The following PTK2B variants were observed in gnomAD, a reference collection of about 807,000 sequenced individuals.
PTK2B encodes the protein protein tyrosine kinase 2 beta.
A neutral mutation model predicts 142.9 loss-of-function variants in PTK2B; 71 were observed. The ratio of observed to expected loss-of-function variants is 0.50; its 90% CI spans 0.41 to 0.61. The LOEUF is 0.61. Among genes scored for constraint, PTK2B ranks in the 20% least tolerant of loss-of-function variants. The pLI is 0.00. For missense variants in PTK2B, 1,105 were observed against 1,320.4 expected, an observed-to-expected ratio of 0.84 and a Z score of 2.53; for synonymous variants, 519 against 503.4, an observed-to-expected ratio of 1.03 and a Z score of -0.42.
intron 24 of PTK2B, 107 bp from the exon 25 acceptor site, chr8:27,450,642 C>T: frequency 7.2e-7 from 1 of 1,397,036 alleles, no homozygotes; most frequent in Non-Finnish European, 9.8e-7. Flanking sequence ...AGCAGCTGGC[C>T]AGGCCAAGGC....
At chr8:27,389,189 C>A (rs1490641388) in intron 1 of PTK2B, among the ~76,000 whole-genome samples, 1 of 152,028 alleles carries the variant, frequency 6.6e-6, no homozygotes, top group Non-Finnish European at 1.5e-5. Context: ...GGACCTTCTT[C>A]CCTCTTCTGT....
At chr8:27,434,440 C>T (rs368809395) in intron 12 of PTK2B, 73 bp from the exon 13 acceptor site, 59 of 1,468,300 alleles carry the variant, frequency 4.0e-5, no homozygotes, top group African/African-American at 1.4e-4. Flanking sequence ...GAGGAGAGGG[C>T]GGGCCGAGGC....
intron 1 of PTK2B, among the ~76,000 whole-genome samples, chr8:27,326,184 A>T (rs1803403821): frequency 6.6e-6 from 1 of 151,704 alleles, no homozygotes; most frequent in African/African-American, 2.4e-5. Context: ...CCCTGGCTGG[A>T]GGAAAGCAAG....
Position 27,397,702 on chromosome 8 carries a change from A to G in PTK2B, c.118A>G (p.Ile40Val). 1.9e-6 allele frequency: 3 copies of G among 1,614,278 alleles called. No individual in the cohort carries two copies. The highest frequency in any genetic ancestry group is 2.5e-6 in the Non-Finnish European group (3 of 1,180,052). ...PVDVEKEDVR[I>V]LKVCFYSNSF... ...AGATGTGGAAAAGGAGGACGTGCGT[A>G]TCCTCAAGGTCTGCTTCTATAGCAA... Residue 40 changes from isoleucine to valine, a missense_variant, in exon 2 of 31, where the codon ATC becomes GTC. Transcript: ENST00000346049.
At chr8:27,341,572 T>C (rs543668789) in intron 1 of PTK2B, among the ~76,000 whole-genome samples, 2 of 152,278 alleles carry the variant, frequency 1.3e-5, no homozygotes, top group Non-Finnish European at 2.9e-5. Flanking sequence ...TGAGGGGAGA[T>C]GTGTGTCATG....
At chr8:27,319,538 G>A (rs1227166945) in intron 3 of PTK2B, among the ~76,000 whole-genome samples, 1 of 151,506 alleles carries the variant, frequency 6.6e-6, no homozygotes, top group Non-Finnish European at 1.5e-5. Context: ...CAGCTACTCG[G>A]GAGGCTGAGA....
intron 1 of PTK2B, among the ~76,000 whole-genome samples, chr8:27,346,216 A>G (rs1320444003): frequency 6.6e-6 from 1 of 152,220 alleles, no homozygotes; most frequent in Non-Finnish European, 1.5e-5. Flanking sequence ...ATGTGGATTC[A>G]TGTTTTCACT....
Position 27,385,068 on chromosome 8 carries a change from G to C in PTK2B, c.-37-12480G>C, listed in dbSNP as rs113931083. On this transcript the variant is annotated intron_variant, in intron 1 of 30. Transcript: ENST00000346049. ...CCACTCAAATCACAGTTCTGCTCTC[G>C]ACTTGCTGTGTGGCCTTTGGGAAGT... is the stretch of plus-strand genomic sequence containing the variant. Among the ~76,000 whole-genome samples the C allele has an allele frequency of 1.2e-4, 18 of 152,264 alleles. 1 individual carries two copies. The highest frequency in any genetic ancestry group is 4.1e-4 in the African/African-American group (17 of 41,540).
chr8:27,409,716 G>A (rs1042619142), intron 2 of PTK2B, among the ~76,000 whole-genome samples: 2 of 152,150 alleles, frequency 1.3e-5, no homozygotes, highest in African/African-American at 2.4e-5. Flanking sequence ...TAAATAAAAT[G>A]TAAGCAAGAC....
At chr8:27,369,282 G>T (rs1468051510) in intron 1 of PTK2B, among the ~76,000 whole-genome samples, 4 of 152,044 alleles carry the variant, frequency 2.6e-5, no homozygotes, top group Non-Finnish European at 5.9e-5. Context: ...CATGTAGGGG[G>T]ACCTGAGATG....
chr8:27,444,798 G>A (rs537356951), intron 23 of PTK2B, among the ~76,000 whole-genome samples: 4 of 152,290 alleles, frequency 2.6e-5, no homozygotes, highest in Admixed American at 2.6e-4. Context: ...GAGAGAGGGA[G>A]TCCAGTCTCC....
rs1459886320 is a variant in PTK2B, at chr8:27,326,230, G to A, written c.-38+549G>A. 3.6e-4 allele frequency among the ~76,000 whole-genome samples: 23 copies of A among 64,616 alleles called. 1 individual carries two copies. The highest frequency in any genetic ancestry group is 6.1e-4 in the South Asian group (2 of 3,298). The allele number at this position is 64,616 out of a possible 152,430, so 42.4% of individuals were successfully genotyped here. A position where few individuals can be genotyped will look rare whatever the true frequency, so the allele number is the denominator to read the frequency against. On this transcript the variant is annotated intron_variant, in intron 1 of 30. Coordinates refer to ENST00000346049, the MANE Select transcript of PTK2B (RefSeq NM_173176.3). ...GGCACAGGGGAGCTCGTGTGTATGT[G>A]TGTGTGTGTGTGTGTGTGTGTGTGT... is the stretch of plus-strand genomic sequence containing the variant.
chr8:27,368,908 G>A (rs997371192), intron 1 of PTK2B, among the ~76,000 whole-genome samples: 1 of 152,176 alleles, frequency 6.6e-6, no homozygotes, highest in Non-Finnish European at 1.5e-5. Context: ...GGAAGCAGGG[G>A]TGGGCAGGGC....
intron 1 of PTK2B, among the ~76,000 whole-genome samples, chr8:27,386,753 G>T (rs1050233175): frequency 1.3e-5 from 2 of 152,302 alleles, no homozygotes; most frequent in Admixed American, 1.3e-4. Flanking sequence ...TGGCAGACTA[G>T]GGGGTTGGCA....
Position 27,445,156 on chromosome 8 carries a change from G to A in PTK2B, c.2215-638G>A, listed in dbSNP as rs1421237583. Among the ~76,000 whole-genome samples, 3 of 152,196 alleles carry A rather than the reference G, an allele frequency of 2.0e-5. No individual in the cohort carries two copies. The East Asian group carries it at 5.8e-4, about 29-fold the overall frequency. ...AGGGTGAGATGGGAGGATTCATTGA[G>A]CTCAGGAGTTTGAGACCAGCCTGGG... On this transcript the variant is annotated intron_variant, in intron 23 of 30. Transcript: ENST00000346049.
At chr8:27,439,810 C>T (rs1363107362) in intron 20 of PTK2B, among the ~76,000 whole-genome samples, 4 of 152,188 alleles carry the variant, frequency 2.6e-5, no homozygotes, top group African/African-American at 9.7e-5. Context: ...CCCTGTAGAA[C>T]ATTATTATTA....
intron 21 of PTK2B, among the ~76,000 whole-genome samples, chr8:27,441,864 G>C (rs1036529192): frequency 2.0e-5 from 3 of 152,210 alleles, no homozygotes; most frequent in Non-Finnish European, 4.4e-5. Context: ...GAGCTGTGCA[G>C]GTGTCTCTCC....
chr8:27,379,291 G>A (rs908689776), intron 1 of PTK2B, among the ~76,000 whole-genome samples: 2 of 152,196 alleles, frequency 1.3e-5, no homozygotes, highest in African/African-American at 4.8e-5. Context: ...GCCCAGGCTG[G>A]AGTGCAATGG....
intron 27 of PTK2B, 137 bp downstream of exon 27, chr8:27,451,646 A>C: frequency 6.6e-7 from 1 of 1,521,068 alleles, no homozygotes; most frequent in Non-Finnish European, 8.9e-7. Context: ...TTTAATTCAG[A>C]GCATGTGGGG....
Sources: allele counts gnomAD v4.1 joint callset (sites outside exome capture counted in the v4.1 genomes callset), GRCh38; gene constraint gnomAD v4.1.1; transcripts MANE v1.5; gene names NCBI Gene and HGNC (gene_info 2026-07-23, HGNC 2026-07-21).